PLXNA4: variants seen among roughly 807,000 people sequenced by gnomAD.
PLXNA4 encodes the protein plexin-A4.
In PLXNA4, 44 loss-of-function variants were observed where a neutral mutation model predicts 191.8. That is an observed-to-expected ratio of 0.23 (90% CI 0.18 to 0.29). PLXNA4 has a LOEUF of 0.29. PLXNA4 is among the 10% of genes least tolerant of loss of function. The pLI, the probability that PLXNA4 is intolerant of heterozygous loss-of-function variation, is 1.00. For synonymous variants in PLXNA4, 1,082 were observed against 1,009.5 expected (o/e 1.07, Z -1.36); for missense variants, 1,800 against 2,488.8 (o/e 0.72, Z 5.89).
At chr7:132,376,665 T>C (rs1222744987) in intron 3 of PLXNA4, among the ~76,000 whole-genome samples, 5 of 152,228 alleles carry the variant, frequency 3.3e-5, no homozygotes, top group Non-Finnish European at 7.3e-5. Context: ...TTCCCAGGCC[T>C]CCTGATTTCT....
chr7:132,530,894 C>T (rs995059224), intron 1 of PLXNA4, among the ~76,000 whole-genome samples: 2 of 152,142 alleles, frequency 1.3e-5, no homozygotes, highest in African/African-American at 2.4e-5. Context: ...GAATATTATT[C>T]GGCCATATAA....
intron 4 of PLXNA4, among the ~76,000 whole-genome samples, chr7:132,293,024 G>A (rs565318622): frequency 2.6e-5 from 4 of 152,284 alleles, no homozygotes; most frequent in East Asian, 1.9e-4. Context: ...GCTGGTACAC[G>A]GAGAGCCAGG....
At chr7:132,351,125 G>A (rs1452099627) in intron 3 of PLXNA4, among the ~76,000 whole-genome samples, 1 of 152,218 alleles carries the variant, frequency 6.6e-6, no homozygotes, top group Non-Finnish European at 1.5e-5. Context: ...ACCTAGGGCT[G>A]GGGGCCATGT....
chr7:132,280,888 AG>A (rs1800454611), intron 4 of PLXNA4, among the ~76,000 whole-genome samples: 1 of 152,194 alleles, frequency 6.6e-6, no homozygotes. Context: ...CATAGTAAAA[AG>A]TTCTTTGAGC....
At chr7:132,221,560 G>A (rs899401061) in intron 9 of PLXNA4, among the ~76,000 whole-genome samples, 1 of 152,224 alleles carries the variant, frequency 6.6e-6, no homozygotes. Flanking sequence ...TGGCCAGGCT[G>A]ATGAGACTGT....
At chr7:132,148,677 G>A in intron 25 of PLXNA4, 31 bp from the exon 26 acceptor site, 7 of 1,613,672 alleles carry the variant, frequency 4.3e-6, no homozygotes, top group Non-Finnish European at 5.9e-6. Flanking sequence ...TTTCAGAGAG[G>A]CCCTATGACC....
chr7:132,423,628 T>C (rs1563090457), intron 3 of PLXNA4, among the ~76,000 whole-genome samples: 2 of 152,156 alleles, frequency 1.3e-5, no homozygotes, highest in East Asian at 3.9e-4. Context: ...GCAAAAAAGC[T>C]GAGGAATCTG....
chr7:132,541,884 TGAGA>T (rs931357160), intron 1 of PLXNA4, among the ~76,000 whole-genome samples: 7 of 152,244 alleles, frequency 4.6e-5, no homozygotes, highest in African/African-American at 1.7e-4. Context: ...GTAAGCCACG[TGAGA>T]GACTCACTCA....
chr7:132,194,238 C>T (rs1048310244), intron 13 of PLXNA4, 59 bp from the exon 14 acceptor site: 178 of 1,550,868 alleles, frequency 1.1e-4, no homozygotes, highest in South Asian at 5.2e-4. Flanking sequence ...AGACCCTGCA[C>T]CCCACAGCAC....
At chr7:132,440,398 G>T (rs928635645) in intron 3 of PLXNA4, among the ~76,000 whole-genome samples, 3 of 152,168 alleles carry the variant, frequency 2.0e-5, no homozygotes, top group Non-Finnish European at 2.9e-5. Context: ...CTTCTCCAGC[G>T]TGGGCTGCTG....
Position 132,198,565 on chromosome 7 carries a change from T to C in PLXNA4, c.2658A>G (p.Glu886=). The C allele has an allele frequency of 6.2e-6, 10 of 1,614,218 alleles. No individual in the cohort carries two copies. Among genetic ancestry groups the C allele is most frequent in the Non-Finnish European group, 8.5e-6 (10 of 1,180,032 alleles). The part of the protein sequence containing the change: ...VTIRGENLGL[E]FRDIASHVKV... ...TGACATGGGAGGCGATGTCGCGAAA[T>C]TCCAGGCCCAGGTTCTCCCCTCGGA... is the stretch of plus-strand genomic sequence containing the variant. Residue 886 remains glutamate (E), a synonymous_variant, in exon 13 of 32, where the codon GAA becomes GAG. Coordinates refer to ENST00000321063, the MANE Select transcript of PLXNA4 (RefSeq NM_020911.2).
At chr7:132,222,374 T>C (rs924866499) in intron 9 of PLXNA4, among the ~76,000 whole-genome samples, 1 of 152,170 alleles carries the variant, frequency 6.6e-6, no homozygotes, top group Admixed American at 6.5e-5. Flanking sequence ...TCTCCTCCCA[T>C]GAGGGTTTGG....
chr7:132,587,878 A>G (rs1168790973), intron 2 of PLXNA4, among the ~76,000 whole-genome samples: 1 of 151,934 alleles, frequency 6.6e-6, no homozygotes, highest in Admixed American at 6.6e-5. Flanking sequence ...AGATATTCAT[A>G]TAATCCAGGG....
intron 3 of PLXNA4, among the ~76,000 whole-genome samples, chr7:132,407,942 A>G (rs1471232556): frequency 6.6e-6 from 1 of 152,208 alleles, no homozygotes; most frequent in Non-Finnish European, 1.5e-5. Context: ...ACAATTTAGT[A>G]ACAGATAGCC....
intron 1 of PLXNA4, among the ~76,000 whole-genome samples, chr7:132,513,017 C>T (rs994078678): frequency 4.6e-5 from 7 of 152,200 alleles, no homozygotes; most frequent in African/African-American, 1.7e-4. Flanking sequence ...GGCAGGAGAA[C>T]TGAAAGACCC....
chr7:132,453,829 C>G (rs1038170506), intron 3 of PLXNA4, among the ~76,000 whole-genome samples: 1 of 152,198 alleles, frequency 6.6e-6, no homozygotes, highest in African/African-American at 2.4e-5. Flanking sequence ...CGTGAGCCAC[C>G]GCGCCCAGCC....
chr7:132,452,846 C>T (rs939640438), intron 3 of PLXNA4, among the ~76,000 whole-genome samples: 1 of 152,122 alleles, frequency 6.6e-6, no homozygotes, highest in Non-Finnish European at 1.5e-5. Context: ...TTGGCTATGA[C>T]CTTGGGTCAC....
At chr7:132,184,954 G>A (rs1454707052) in intron 16 of PLXNA4, among the ~76,000 whole-genome samples, 2 of 152,152 alleles carry the variant, frequency 1.3e-5, no homozygotes, top group Non-Finnish European at 2.9e-5. Flanking sequence ...GGTGGGACCA[G>A]GATTAGCACC....
rs1238190760 is a variant in PLXNA4 at position 132,168,565 on chromosome 7, C to A, written c.4025G>T (p.Gly1342Val). ...HPVLRDLEVP[G>V]YRQERVEKGL... ...TTTCTCCACACGCTCCTGCCGGTAG[C>A]CCGGGACCTGCAGAGAGACCTAGGA... Residue 1342 changes from glycine (G) to valine (V), a missense_variant, in exon 22 of 32, where the codon GGC becomes GTC. Around this residue, in one of 6 missense-constraint regions of PLXNA4, gnomAD observed 1,397 missense variants for 1,880.4 expected, o/e 0.74. Transcript: ENST00000321063. 2 of 1,580,688 alleles carry A rather than the reference C, an allele frequency of 1.3e-6. No homozygotes were observed. Among genetic ancestry groups the A allele is most frequent in the Non-Finnish European group, 1.7e-6 (2 of 1,161,840 alleles).
Sources: allele counts gnomAD v4.1 joint callset (sites outside exome capture counted in the v4.1 genomes callset), GRCh38; gene constraint gnomAD v4.1.1; regional missense constraint gnomAD v4.1.1; transcripts MANE v1.5; gene names NCBI Gene and HGNC (gene_info 2026-07-23, HGNC 2026-07-21).